CSMD1: variants seen among roughly 807,000 people sequenced by gnomAD.
The protein encoded by CSMD1 is CUB and sushi domain-containing protein 1.
A neutral mutation model predicts 417.5 loss-of-function variants in CSMD1; 213 were observed. The observed-to-expected ratio is 0.51, with a 90% CI of 0.46 to 0.57. CSMD1 has a LOEUF of 0.57. Among genes scored for constraint, CSMD1 ranks in the 20% least tolerant of loss-of-function variants. CSMD1 has a pLI of 0.00. For missense variants in CSMD1, 6,923 were observed against 4,529.7 expected, an observed-to-expected ratio of 1.53 and a Z score of -15.17; for synonymous variants, 2,862 against 1,736.8, an observed-to-expected ratio of 1.65 and a Z score of -16.11.
chr8:4,775,201 T>G (rs1202531592), intron 1 of CSMD1, among the ~76,000 whole-genome samples: 1 of 152,198 alleles, frequency 6.6e-6, no homozygotes, highest in African/African-American at 2.4e-5. Flanking sequence ...GATTATTTTT[T>G]TCTGATTGTA....
chr8:4,199,467 C>G (rs1283229729), intron 3 of CSMD1, among the ~76,000 whole-genome samples: 1 of 152,120 alleles, frequency 6.6e-6, no homozygotes, highest in African/African-American at 2.4e-5. Flanking sequence ...CTGAGAAACT[C>G]CAATTAAAAA....
intron 3 of CSMD1, among the ~76,000 whole-genome samples, chr8:4,113,792 A>G (rs1801986630): frequency 6.6e-6 from 1 of 152,160 alleles, no homozygotes; most frequent in Admixed American, 6.5e-5. Flanking sequence ...TCTGCATAAA[A>G]CACCAAACCA....
chr8:3,313,010 G>T (rs1033611119), intron 23 of CSMD1, among the ~76,000 whole-genome samples: 2 of 152,110 alleles, frequency 1.3e-5, no homozygotes, highest in African/African-American at 4.8e-5. Flanking sequence ...TTGAATATTG[G>T]TAAAATAAGT....
At chr8:3,655,268 C>A (rs992118589) in intron 7 of CSMD1, among the ~76,000 whole-genome samples, 16 of 152,120 alleles carry the variant, frequency 1.1e-4, no homozygotes, top group African/African-American at 3.9e-4. Context: ...GAATTTAAGA[C>A]CCATGAACAT....
At chr8:4,169,303 C>A (rs573203083) in intron 3 of CSMD1, among the ~76,000 whole-genome samples, 1 of 152,170 alleles carries the variant, frequency 6.6e-6, no homozygotes, top group East Asian at 1.9e-4. Context: ...ACTCCTGATC[C>A]TTCCTCTAAA....
At chr8:4,073,841 G>C (rs1020749554) in intron 3 of CSMD1, among the ~76,000 whole-genome samples, 1 of 151,934 alleles carries the variant, frequency 6.6e-6, no homozygotes, top group African/African-American at 2.4e-5. Context: ...GTTAATAGTT[G>C]GGTTTAAAAC....
rs939455073 is a variant in CSMD1, at chr8:3,931,229, A to C, written c.818+66674T>G. Among the ~76,000 whole-genome samples, 8 of 150,668 alleles carry C rather than the reference A, an allele frequency of 5.3e-5. 1 individual carries two copies. The highest frequency in any genetic ancestry group is 8.9e-5 in the Non-Finnish European group (6 of 67,632). ...CTAAATAAATGAGGTTCGGAGAATG[A>C]TAATACATTTTGTTAGTTTCTCAGA... is the stretch of plus-strand genomic sequence containing the variant. On this transcript the variant is annotated intron_variant, in intron 5 of 69. Transcript: ENST00000635120.
At chr8:3,339,776 G>A (rs1320008582) in intron 23 of CSMD1, among the ~76,000 whole-genome samples, 1 of 152,100 alleles carries the variant, frequency 6.6e-6, no homozygotes, top group Non-Finnish European at 1.5e-5. Flanking sequence ...ATCTGTGTAA[G>A]GTGCGAAGAA....
chr8:4,847,094 G>T (rs1298841237), intron 1 of CSMD1, among the ~76,000 whole-genome samples: 1 of 152,094 alleles, frequency 6.6e-6, no homozygotes, highest in East Asian at 1.9e-4. Context: ...CGCTCTGCTC[G>T]TGTATCAAGC....
At chr8:3,940,015 AAAAT>A (rs1490168260) in intron 5 of CSMD1, among the ~76,000 whole-genome samples, 9 of 152,162 alleles carry the variant, frequency 5.9e-5, no homozygotes, top group East Asian at 3.9e-4. Context: ...ACTGAAATAA[AAAAT>A]AAATCCATGT....
chr8:4,188,015 T>C (rs1054069086), intron 3 of CSMD1, among the ~76,000 whole-genome samples: 1 of 152,024 alleles, frequency 6.6e-6, no homozygotes, highest in African/African-American at 2.4e-5. Flanking sequence ...TACCTTTTTT[T>C]AAAAAAAGAC....
chr8:3,213,274 C>T lies in CSMD1; in HGVS notation c.4867+1223G>A, dbSNP rs527324509. 1.5e-4 allele frequency among the ~76,000 whole-genome samples: 23 copies of T among 152,272 alleles called. No homozygotes were observed. In the South Asian group the frequency reaches 4.6e-3, roughly 30 times the overall value. ...TTAAAATAACCCTAGAAATGAATGT[C>T]TCTGCAACAAGCCATGAAGTTCTAC... On this transcript the variant is annotated intron_variant, in intron 30 of 69. Transcript: ENST00000635120.
At chr8:2,944,771 C>G (rs934819036) in intron 68 of CSMD1, among the ~76,000 whole-genome samples, 1 of 152,124 alleles carries the variant, frequency 6.6e-6, no homozygotes, top group Admixed American at 6.5e-5. Flanking sequence ...AAACATTGAT[C>G]TTCAAGTTTC....
intron 3 of CSMD1, among the ~76,000 whole-genome samples, chr8:4,119,173 G>C (rs1236325658): frequency 6.6e-6 from 1 of 152,050 alleles, no homozygotes; most frequent in East Asian, 1.9e-4. Flanking sequence ...TGGTTTGATA[G>C]GTGCAGCAAA....
chr8:3,714,462 T>C (rs534070838), intron 6 of CSMD1, among the ~76,000 whole-genome samples: 102 of 149,176 alleles, frequency 6.8e-4, no homozygotes, highest in Non-Finnish European at 1.3e-3. Context: ...GTGGTTCACA[T>C]CTGTAATCCC....
chr8:4,972,405 A>T (rs1810297536), intron 1 of CSMD1, among the ~76,000 whole-genome samples: 1 of 152,238 alleles, frequency 6.6e-6, no homozygotes, highest in East Asian at 1.9e-4. Context: ...TCATGATAGC[A>T]AGTGAATTCT....
At chr8:3,448,581 G>C (rs1421371918) in intron 12 of CSMD1, among the ~76,000 whole-genome samples, 1 of 152,064 alleles carries the variant, frequency 6.6e-6, no homozygotes, top group Admixed American at 6.5e-5. Context: ...GTTGCTGTAA[G>C]TCCATGAGTA....
chr8:4,677,968 G>A (rs1406491258), intron 1 of CSMD1, among the ~76,000 whole-genome samples: 2 of 152,050 alleles, frequency 1.3e-5, no homozygotes. Flanking sequence ...TAGACATAAA[G>A]CCTGCCTTCC....
intron 3 of CSMD1, among the ~76,000 whole-genome samples, chr8:4,328,121 T>C (rs921821706): frequency 6.6e-6 from 1 of 152,184 alleles, no homozygotes; most frequent in Non-Finnish European, 1.5e-5. Context: ...ACTATGTCCA[T>C]TTATGAATGA....
Sources: allele counts gnomAD v4.1 joint callset (sites outside exome capture counted in the v4.1 genomes callset), GRCh38; gene constraint gnomAD v4.1.1; transcripts MANE v1.5; gene names NCBI Gene and HGNC (gene_info 2026-07-23, HGNC 2026-07-21).